TENM2: variants seen among roughly 807,000 people sequenced by gnomAD.
TENM2 encodes teneurin transmembrane protein 2, also known as teneurin-2.
TENM2 carries 52 observed loss-of-function variants against 245.2 expected under a neutral mutation model. The observed-to-expected ratio is 0.21, with a 90% CI of 0.17 to 0.27. TENM2 has a LOEUF of 0.27. TENM2 is among the 10% of genes least tolerant of loss of function. The pLI, the probability that TENM2 is intolerant of heterozygous loss-of-function variation, is 1.00. For missense variants in TENM2, 3,046 were observed against 3,666.8 expected, an observed-to-expected ratio of 0.83 and a Z score of 4.37; for synonymous variants, 1,363 against 1,438.9, an observed-to-expected ratio of 0.95 and a Z score of 1.19.
intron 2 of TENM2, among the ~76,000 whole-genome samples, chr5:167,854,413 T>C (rs1353229585): frequency 2.6e-5 from 4 of 152,224 alleles, no homozygotes; most frequent in Non-Finnish European, 5.9e-5. Context: ...AACTCTGAAA[T>C]ATGTGCTGCG....
intron 2 of TENM2, among the ~76,000 whole-genome samples, chr5:167,505,117 G>C (rs1355239484): frequency 6.6e-6 from 1 of 151,954 alleles, no homozygotes; most frequent in Non-Finnish European, 1.5e-5. Flanking sequence ...ATGATTGAAC[G>C]CTGCCTCAGT....
intron 24 of TENM2, among the ~76,000 whole-genome samples, chr5:168,226,807 T>A (rs1372260604): frequency 6.6e-6 from 1 of 152,202 alleles, no homozygotes; most frequent in Admixed American, 6.5e-5. Flanking sequence ...ACTAGACATG[T>A]TTTGCAGTCC....
intron 4 of TENM2, among the ~76,000 whole-genome samples, chr5:167,985,926 C>A (rs1296477666): frequency 6.6e-6 from 1 of 152,172 alleles, no homozygotes; most frequent in Admixed American, 6.5e-5. Context: ...AGCCAGCCTC[C>A]GCTTCTCAAA....
chr5:166,992,718 G>T, the TENM2 span, among the ~76,000 whole-genome samples: 2 of 152,124 alleles, frequency 1.3e-5, no homozygotes, highest in African/African-American at 4.8e-5. Flanking sequence ...CCTCCAGGGG[G>T]TCTAAGGGTG....
the TENM2 span, among the ~76,000 whole-genome samples, chr5:167,239,986 C>T: frequency 6.6e-6 from 1 of 152,210 alleles, no homozygotes; most frequent in Non-Finnish European, 1.5e-5. Flanking sequence ...GTTGGTCAGG[C>T]TGGTCTCCAA....
At chr5:167,429,207 C>T (rs1018251721) in intron 2 of TENM2, among the ~76,000 whole-genome samples, 1 of 152,150 alleles carries the variant, frequency 6.6e-6, no homozygotes, top group Non-Finnish European at 1.5e-5. Flanking sequence ...GAGGATCTAG[C>T]ATCAGTTTAT....
chr5:167,051,128 G>A, the TENM2 span, among the ~76,000 whole-genome samples: 2 of 151,294 alleles, frequency 1.3e-5, no homozygotes, highest in Non-Finnish European at 2.9e-5. Flanking sequence ...TCCTATGAGA[G>A]ACTATATATG....
intron 2 of TENM2, among the ~76,000 whole-genome samples, chr5:167,868,736 TAA>T (rs11345222): frequency 0.049 from 6,078 of 123,410 alleles, 406 homozygotes; most frequent in African/African-American, 0.17. Context: ...AGATTCTGTC[TAA>T]AAAAAAAAAA....
chr5:167,352,176 A>G (rs1420948954), intron 1 of TENM2, among the ~76,000 whole-genome samples: 1 of 152,200 alleles, frequency 6.6e-6, no homozygotes, highest in African/African-American at 2.4e-5. Flanking sequence ...CCACCTTCTT[A>G]AATGACAGAA....
At chr5:167,111,026 A>T in the TENM2 span, among the ~76,000 whole-genome samples, 1 of 152,184 alleles carries the variant, frequency 6.6e-6, no homozygotes, top group East Asian at 1.9e-4. Flanking sequence ...TCCTTGAATG[A>T]TCTTCTTTGG....
At chr5:168,261,973 C>A in intron 28 of TENM2, 76 bp from the exon 31 acceptor site, 1 of 1,447,314 alleles carries the variant, frequency 6.9e-7, no homozygotes, top group Non-Finnish European at 9.5e-7. Flanking sequence ...AGTTCCAAGC[C>A]TTTCTCTTTG....
At chr5:168,054,540 A>T (rs1355629161) in intron 6 of TENM2, among the ~76,000 whole-genome samples, 1 of 152,238 alleles carries the variant, frequency 6.6e-6, no homozygotes, top group East Asian at 1.9e-4. Context: ...GTGCCTCCAG[A>T]GTTCGGTTAA....
chr5:167,991,286 A>T (rs993043267), intron 4 of TENM2, among the ~76,000 whole-genome samples: 5 of 152,200 alleles, frequency 3.3e-5, no homozygotes, highest in African/African-American at 1.2e-4. Flanking sequence ...CAATGAGAGG[A>T]CTTCATTCAT....
chr5:167,047,236 A>T, the TENM2 span, among the ~76,000 whole-genome samples: 1 of 152,216 alleles, frequency 6.6e-6, no homozygotes, highest in African/African-American at 2.4e-5. Flanking sequence ...AGCTAAAGTC[A>T]TCTCTGACCT....
chr5:167,900,128 AAAAAAGG>A (rs1312032508), intron 3 of TENM2, among the ~76,000 whole-genome samples: 1 of 120,032 alleles, frequency 8.3e-6, no homozygotes, highest in African/African-American at 3.4e-5. Context: ...AAAAAAAAAA[AAAAAAGG>A]GGGGGGGGGT....
At chr5:167,813,156 T>A (rs1476029741) in intron 2 of TENM2, among the ~76,000 whole-genome samples, 2 of 152,116 alleles carry the variant, frequency 1.3e-5, no homozygotes, top group East Asian at 3.9e-4. Context: ...TGTTTCTTCA[T>A]GAGCAGTGGC....
chr5:167,568,197 A>C (rs756663234), intron 2 of TENM2, among the ~76,000 whole-genome samples: 1 of 152,174 alleles, frequency 6.6e-6, no homozygotes, highest in Non-Finnish European at 1.5e-5. Context: ...AAGAGCATTT[A>C]CTGTGAGCTA....
intron 5 of TENM2, among the ~76,000 whole-genome samples, chr5:168,045,691 G>A (rs1200026084): frequency 1.3e-5 from 2 of 152,194 alleles, no homozygotes; most frequent in African/African-American, 2.4e-5. Context: ...GGCCCAAGGC[G>A]AGCTTCAATA....
chr5:168,255,046 CAA>C (rs371103095), intron 27 of TENM2, among the ~76,000 whole-genome samples: 6 of 124,352 alleles, frequency 4.8e-5, no homozygotes, highest in Non-Finnish European at 5.2e-5. Flanking sequence ...GACGCTGTCT[CAA>C]AAAAAAAAAA....
Sources: gnomAD v4.1 joint callset for allele counts (sites outside exome capture counted in the v4.1 genomes callset) on GRCh38, gnomAD v4.1.1 for gene constraint, MANE v1.5 for transcripts, NCBI Gene and HGNC (gene_info 2026-07-23, HGNC 2026-07-21) for gene names.